The following COL4A4 variants were observed in gnomAD, a reference collection of about 807,000 sequenced individuals.
COL4A4 encodes collagen alpha-4(IV) chain.
A neutral mutation model predicts 192.9 loss-of-function variants in COL4A4; 105 were observed. The observed-to-expected ratio is 0.54, with a 90% CI of 0.46 to 0.64. The LOEUF is 0.64. Ranked by LOEUF, COL4A4 falls within the 30% of genes least tolerant of loss-of-function variation. The probability of loss-of-function intolerance (pLI) is 0.00; values close to 1 mark genes in which losing one functional copy is unlikely to be tolerated. For synonymous variants in COL4A4, 762 were observed against 769.9 expected (o/e 0.99, Z 0.17); for missense variants, 1,967 against 2,169.3 (o/e 0.91, Z 1.85).
chr2:227,161,839 G>A (rs1285958401), intron 1 of COL4A4, among the ~76,000 whole-genome samples: 1 of 151,884 alleles, frequency 6.6e-6, no homozygotes, highest in African/African-American at 2.4e-5. Flanking sequence ...GAGTTCATAG[G>A]CTATGCTTGC....
chr2:227,159,704 C>T (rs1359787192), intron 1 of COL4A4, among the ~76,000 whole-genome samples: 2 of 152,158 alleles, frequency 1.3e-5, no homozygotes, highest in African/African-American at 4.8e-5. Flanking sequence ...CCCCTTCGCT[C>T]AGCACTCATT....
intron 1 of COL4A4, among the ~76,000 whole-genome samples, chr2:227,149,438 T>C (rs980874014): frequency 1.3e-5 from 2 of 152,174 alleles, no homozygotes; most frequent in African/African-American, 2.4e-5. Context: ...CATCTCTCTT[T>C]TCTGCTTATC....
At chr2:227,099,529 G>A (rs1431859050) in intron 18 of COL4A4, 91 bp downstream of exon 18, 1 of 1,166,208 alleles carries the variant, frequency 8.6e-7, no homozygotes, top group East Asian at 2.3e-5. Flanking sequence ...TAGTGTGCAA[G>A]CTATGGAAAT....
chr2:226,993,069 GCC>G, the COL4A4 span, among the ~76,000 whole-genome samples: 4 of 152,222 alleles, frequency 2.6e-5, no homozygotes, highest in Non-Finnish European at 5.9e-5. Context: ...CTCCTCGAAT[GCC>G]CTGCAAATGG....
intron 35 of COL4A4, among the ~76,000 whole-genome samples, chr2:227,045,975 G>GTATATATATATGTATATATGTATA (rs1972678861): frequency 7.5e-5 from 3 of 40,180 alleles, no homozygotes; most frequent in African/African-American, 3.7e-4. Context: ...ATTTATATGT[G>GTATATATATATGTATATATGTATA]TATATGTATA....
chr2:227,080,013 G>A (rs1003854065), intron 24 of COL4A4, among the ~76,000 whole-genome samples: 1 of 152,074 alleles, frequency 6.6e-6, no homozygotes, highest in African/African-American at 2.4e-5. Context: ...GGGTTTGCAC[G>A]AGTTCACCCT....
intron 25 of COL4A4, among the ~76,000 whole-genome samples, chr2:227,064,830 A>G (rs2058193813): frequency 6.6e-6 from 1 of 152,248 alleles, no homozygotes; most frequent in Non-Finnish European, 1.5e-5. Flanking sequence ...TCAGACAAGC[A>G]AATGCTGAGG....
At chr2:227,060,735 T>C (rs896333262) in intron 26 of COL4A4, among the ~76,000 whole-genome samples, 1 of 151,676 alleles carries the variant, frequency 6.6e-6, no homozygotes, top group African/African-American at 2.4e-5. Context: ...ATTTTTTTTT[T>C]TTTTTTTTTT....
chr2:227,155,555 C>T (rs1184125152), intron 1 of COL4A4, among the ~76,000 whole-genome samples: 1 of 152,158 alleles, frequency 6.6e-6, no homozygotes, highest in Non-Finnish European at 1.5e-5. Context: ...TTATGATTTT[C>T]CCCATAAGTA....
intron 4 of COL4A4, among the ~76,000 whole-genome samples, chr2:227,139,580 T>A (rs1481170186): frequency 6.6e-6 from 1 of 152,192 alleles, no homozygotes; most frequent in African/African-American, 2.4e-5. Flanking sequence ...AGCAAGACAC[T>A]AACTTTCTTG....
At chr2:227,043,591 G>A (rs1188130801) in intron 35 of COL4A4, among the ~76,000 whole-genome samples, 6 of 151,980 alleles carry the variant, frequency 3.9e-5, no homozygotes, top group South Asian at 2.1e-4. Context: ...TAACTCTGCC[G>A]TTATCCATAA....
chr2:227,054,147 T>C (rs1347596399), intron 31 of COL4A4, among the ~76,000 whole-genome samples: 12 of 152,258 alleles, frequency 7.9e-5, no homozygotes, highest in Admixed American at 7.9e-4. Flanking sequence ...GTTGTCTATG[T>C]CTGCTTTCAT....
chr2:227,151,586 C>CTT, intron 1 of COL4A4, among the ~76,000 whole-genome samples: 1 of 152,294 alleles, frequency 6.6e-6, no homozygotes, highest in East Asian at 1.9e-4. Flanking sequence ...TCACTCAATT[C>CTT]TTTTAACTTC....
intron 17 of COL4A4, among the ~76,000 whole-genome samples, chr2:227,100,965 T>A (rs888705103): frequency 1.3e-5 from 2 of 151,852 alleles, no homozygotes; most frequent in African/African-American, 2.4e-5. Flanking sequence ...CCACCACGCC[T>A]GGCTAATTTT....
chr2:227,016,882 C>T (rs1312267256), intron 44 of COL4A4, among the ~76,000 whole-genome samples: 3 of 152,174 alleles, frequency 2.0e-5, no homozygotes. Context: ...AGAAAGGAAA[C>T]ATCCCCGCCT....
At chr2:227,044,832 T>C (rs1972121841) in intron 35 of COL4A4, among the ~76,000 whole-genome samples, 1 of 152,192 alleles carries the variant, frequency 6.6e-6, no homozygotes, top group Non-Finnish European at 1.5e-5. Flanking sequence ...ATGGAAATAG[T>C]GTATTAAGTA....
chr2:227,119,967 G>C (rs757409538), intron 5 of COL4A4, 28 bp from the exon 6 acceptor site: 9 of 1,503,872 alleles, frequency 6.0e-6, no homozygotes, highest in Non-Finnish European at 8.1e-6. Flanking sequence ...AAAACAAAGA[G>C]ATAAAAATTA....
rs1306202170 is a variant in COL4A4, at chr2:227,043,135, G to C, written c.3339C>G (p.Pro1113=). ...GEQGLPGIQG[P]RGSPGRPGPP... ...GCCCTGGCCTTCCAGGTGATCCTCTGGGCCCTTGAATACCAGGCAAGCCCT... is the reference window on the plus strand; with the variant it reads ...GCCCTGGCCTTCCAGGTGATCCTCTCGGCCCTTGAATACCAGGCAAGCCCT... The change falls in exon 36 of 48, where the codon CCC becomes CCG. Residue 1113 remains proline (P), a synonymous_variant. Transcript: ENST00000396625. The C allele has an allele frequency of 3.7e-6, 6 of 1,613,980 alleles. No individual in the cohort carries two copies. In the African/African-American group the frequency reaches 8.0e-5, roughly 22 times the overall value.
intron 42 of COL4A4, among the ~76,000 whole-genome samples, chr2:227,026,103 C>T (rs887505478): frequency 2.0e-5 from 3 of 152,088 alleles, no homozygotes; most frequent in Non-Finnish European, 4.4e-5. Flanking sequence ...CAAATATCCT[C>T]TAATTTAATG....
Sources: allele counts gnomAD v4.1 joint callset (sites outside exome capture counted in the v4.1 genomes callset), GRCh38; gene constraint gnomAD v4.1.1; transcripts MANE v1.5; gene names NCBI Gene and HGNC (gene_info 2026-07-23, HGNC 2026-07-21).